The following POLG variants were observed in gnomAD, a reference collection of about 807,000 sequenced individuals.
POLG encodes the protein DNA polymerase subunit gamma-1.
A neutral mutation model predicts 155.4 loss-of-function variants in POLG; 110 were observed. That is an observed-to-expected ratio of 0.71 (90% CI 0.61 to 0.83). The LOEUF (loss-of-function observed/expected upper bound fraction) is 0.83, where lower values mean the gene tolerates loss of function less well. Ranked by LOEUF, POLG falls within the 40% of genes least tolerant of loss-of-function variation. The pLI is 0.00. For synonymous variants in POLG, 701 were observed against 631.5 expected (o/e 1.11, Z -1.65); for missense variants, 1,685 against 1,627.5 (o/e 1.04, Z -0.61).
At chr15:89,326,795 G>A (rs755432801) in intron 8 of POLG, 57 bp from the exon 9 acceptor site, 1 of 1,612,010 alleles carries the variant, frequency 6.2e-7, no homozygotes, top group Non-Finnish European at 8.5e-7. Context: ...AATAAGATCT[G>A]CTCCCACCCG....
At chr15:89,331,405 T>G (rs2055592509) in intron 2 of POLG, among the ~76,000 whole-genome samples, 1 of 152,140 alleles carries the variant, frequency 6.6e-6, no homozygotes, top group African/African-American at 2.4e-5. Flanking sequence ...GGAACTTTGG[T>G]TACAGTAAAA....
At position 89,323,629 on chromosome 15, in the gene POLG, G is replaced by A. The variant is rs984111013; in HGVS notation, c.2158-118C>T. On this transcript the variant is annotated intron_variant, in intron 12 of 22. Coordinates refer to ENST00000268124, the MANE Select transcript of POLG (RefSeq NM_002693.3). Reference sequence around the variant, plus strand: ...GTCGTCATCAGCTGGGAAATGACAAGATGGCCATGAGGTCTCACCCAGGCT... The same window carrying A: ...GTCGTCATCAGCTGGGAAATGACAAAATGGCCATGAGGTCTCACCCAGGCT... 6 of 818,730 alleles carry A rather than the reference G, an allele frequency of 7.3e-6. No homozygotes were observed. In the Admixed American group the frequency reaches 7.7e-5, roughly 10 times the overall value. 50.7% of individuals were successfully genotyped at this position (818,730 alleles called of 1,614,324 possible).
In POLG at chr15:89,333,265, G is replaced by A; in HGVS notation, c.490C>T (p.Pro164Ser). The change falls in exon 2 of 23, where the codon CCG (proline) becomes TCG (serine). Residue 164 changes from proline to serine, a missense_variant. Pro to Ser is a moderately conservative substitution (Grantham distance 74, BLOSUM62 -1). Transcript: ENST00000268124. ...ANLLLQAQLPPKPPAWAWAEG... is the reference protein window; with the variant it reads ...ANLLLQAQLPSKPPAWAWAEG... The stretch of plus-strand genomic sequence containing the variant: ...GCCCAGGCCCAAGCCGGGGGCTTCG[G>A]GGGCAGCTGGGCCTGCAACAGCAAG... 1 of 1,561,482 alleles carries A rather than the reference G, an allele frequency of 6.4e-7. No individual in the cohort carries two copies. The highest frequency in any genetic ancestry group is 8.7e-7 in the Non-Finnish European group (1 of 1,152,124).
intron 1 of POLG, chr15:89,334,406 C>G (rs1402401691): frequency 1.3e-5 from 2 of 152,602 alleles, no homozygotes; most frequent in African/African-American, 4.8e-5. Context: ...GTGCCAGCGC[C>G]CGGATTCGAA....
Position 89,325,189 on chromosome 15 carries a change from AGTG to A in POLG, c.1949+258_1949+260del, listed in dbSNP as rs1567189758. ...GAGTGAGAGAGTGAGAGAGTGAGTG[AGTG>A]AGAGAGTGAGTGAGAGAGTGAGTGA... On this transcript the variant is annotated intron_variant, in intron 10 of 22. Coordinates refer to ENST00000268124, the MANE Select transcript of POLG (RefSeq NM_002693.3). Among the ~76,000 whole-genome samples the A allele has an allele frequency of 2.0e-4, 19 of 96,550 alleles. 5 individuals carry two copies. The highest frequency in any genetic ancestry group is 8.5e-4 in the African/African-American group (19 of 22,324). The allele number at this position is 96,550 out of a possible 152,430, so 63.3% of individuals were successfully genotyped here. A position where few individuals can be genotyped will look rare whatever the true frequency, so the allele number is the denominator to read the frequency against.
In POLG at chr15:89,325,273, A is replaced by AGT. The variant is rs1485600560; in HGVS notation, c.1949+176_1949+177insAC. ...GAGAGAGAGAGTGAGTGAGTGAGTG[A>AGT]GAGAGAGAGAAAGAGAGAGAGAGAG... On this transcript the variant is annotated intron_variant, in intron 10 of 22. Transcript: ENST00000268124. 6.5e-5 allele frequency among the ~76,000 whole-genome samples: 7 copies of AGT among 107,508 alleles called. 2 individuals are homozygous for AGT. Among genetic ancestry groups the AGT allele is most frequent in the African/African-American group, 3.2e-4 (7 of 21,544 alleles). The allele number at this position is 107,508 out of a possible 152,430, so 70.5% of individuals were successfully genotyped here. A position where few individuals can be genotyped will look rare whatever the true frequency, so the allele number is the denominator to read the frequency against.
chr15:89,321,194 C>T lies in POLG; in HGVS notation c.2665G>A (p.Ala889Thr), dbSNP rs763393580. The change falls in exon 17 of 23, where the codon GCT becomes ACT. Residue 889 changes from alanine to threonine, a missense_variant. Ala to Thr is a moderately conservative substitution (Grantham distance 58). Around this residue, in one of 3 missense-constraint regions of POLG, gnomAD observed 1,210 missense variants for 1,167.1 expected, o/e 1.04. Transcript: ENST00000268124. ...CACAGCTCTTGGGAGTCCACATCAG[C>T]ACCCACAAGGGTGTAGCCAGGTGGG... ...QAPPGYTLVG[A>T]DVDSQELWIA... The T allele has an allele frequency of 2.1e-5, 34 of 1,614,132 alleles. No homozygotes were observed. Among genetic ancestry groups the T allele is most frequent in the Admixed American group, 3.3e-5 (2 of 60,016 alleles).
At chr15:89,325,081 TGAGAGA>T (rs376001140) in intron 10 of POLG, among the ~76,000 whole-genome samples, 1 of 43,236 alleles carries the variant, frequency 2.3e-5, no homozygotes, top group African/African-American at 9.2e-5. Context: ...AGTGAGTGAG[TGAGAGA>T]GTGAGTGAGT....
In POLG at chr15:89,318,978, C is replaced by G. The variant is rs1432651664; in HGVS notation, c.3226G>C (p.Gly1076Arg). 6.2e-7 allele frequency: 1 copy of G among 1,614,036 alleles called. No homozygotes were observed. The highest frequency in any genetic ancestry group is 8.5e-7 in the Non-Finnish European group (1 of 1,180,032). Reference sequence around the variant, plus strand: ...TCCAGGGCTCGGCTGATGCAGCAGCCCAGCACCGGGGTACGTGGTATGTCA... The same window carrying G: ...TCCAGGGCTCGGCTGATGCAGCAGCGCAGCACCGGGGTACGTGGTATGTCA... ...TSDIPRTPVL[G>R]CCISRALEPS... Residue 1076 changes from glycine (G) to arginine (R), a missense_variant, in exon 20 of 23, where the codon GGC (glycine) becomes CGC (arginine). Gly to Arg is a moderately radical substitution (Grantham distance 125). Transcript: ENST00000268124.
intron 10 of POLG, among the ~76,000 whole-genome samples, chr15:89,325,057 A>T (rs12899527): frequency 0.034 from 2,953 of 87,452 alleles, 542 homozygotes; most frequent in African/African-American, 0.19. Context: ...AGTGAGTGAG[A>T]GAGTGAGTGA....
At position 89,328,508 on chromosome 15, in the gene POLG, C is replaced by A. The variant is rs529639381; in HGVS notation, c.1198G>T (p.Val400Leu). Residue 400 changes from valine (V) to leucine (L), a missense_variant, in exon 6 of 23, where the codon GTG becomes TTG. By Grantham distance (32) the Val-to-Leu change is conservative. This residue lies in a region of POLG where 1,210 missense variants were observed against 1,167.1 expected (regional missense o/e 1.04). Coordinates refer to ENST00000268124, the MANE Select transcript of POLG (RefSeq NM_002693.3). ...QDLMQYCAQDVWATHEVFQQQ... is the reference protein window; with the variant it reads ...QDLMQYCAQDLWATHEVFQQQ... ...TGGAAAACCTCATGGGTGGCCCACA[C>A]GTCCTGGGCACAGTACTGCATCAGG... 1.2e-6 allele frequency: 2 copies of A among 1,613,892 alleles called. No individual in the cohort carries two copies. The highest frequency in any genetic ancestry group is 1.1e-5 in the South Asian group (1 of 91,088).
At position 89,333,612 on chromosome 15, in the gene POLG, T is replaced by TGCC. The variant is rs1567194427; in HGVS notation, c.142_143insGGC (p.Gln47_Gln48insArg). On this transcript the variant is annotated inframe_insertion, in exon 2 of 23. Transcript: ENST00000268124. ...AGGCTGCTGTTGCTGCTGCTGCTGC[T>TGCC]GCTGCTGCTGCTGCTGCCGCCGCCG... The TGCC allele has an allele frequency of 1.2e-6, 2 of 1,600,120 alleles. No homozygotes were observed. The highest frequency in any genetic ancestry group is 1.7e-6 in the Non-Finnish European group (2 of 1,175,496).
Position 89,316,759 on chromosome 15 carries a change from C to G in POLG, c.3712G>C (p.Gly1238Arg), listed in dbSNP as rs1024234712. 8.1e-6 allele frequency: 13 copies of G among 1,612,552 alleles called. No individual in the cohort carries two copies. Among genetic ancestry groups the G allele is most frequent in the African/African-American group, 2.7e-5 (2 of 74,920 alleles). Residue 1238 changes from glycine to arginine, a missense_variant, in exon 23 of 23, where the codon GGA (glycine) becomes CGA (arginine). Physicochemically the swap from Gly to Arg is moderately radical, Grantham distance 125. This residue lies in a region of POLG where 470 missense variants were observed against 439.9 expected (regional missense o/e 1.07). Coordinates refer to ENST00000268124, the MANE Select transcript of POLG (RefSeq NM_002693.3). ...KGSLEKRSQPGP is the reference protein window; with the variant it reads ...KGSLEKRSQPRP ...AGAGCCTCCAGGCAGTGCTATGGTC[C>G]AGGCTGGCTTCGTTTTTCCAAGGAG... is the stretch of plus-strand genomic sequence containing the variant.
chr15:89,318,865 C>T (rs1488233781), intron 20 of POLG, 66 bp downstream of exon 20: 1 of 1,588,118 alleles, frequency 6.3e-7, no homozygotes, highest in Non-Finnish European at 8.6e-7. Context: ...TTGGTAAGGT[C>T]CACAGGGAGC....
At chr15:89,320,660 G>C in intron 18 of POLG, 106 bp downstream of exon 18, 1 of 1,285,914 alleles carries the variant, frequency 7.8e-7, no homozygotes, top group Non-Finnish European at 1.1e-6. Flanking sequence ...GGGGCTAGGT[G>C]AGAGTTCAAG....
At chr15:89,328,308 A>G in intron 6 of POLG, 148 bp downstream of exon 6, 1 of 700,062 alleles carries the variant, frequency 1.4e-6, no homozygotes, top group South Asian at 1.6e-5. Flanking sequence ...GCCCAGATGG[A>G]CACCACTGAA....
rs758438414 is a variant in POLG at position 89,325,531 on chromosome 15, A to C, written c.1868T>G (p.Leu623Trp). 6.2e-6 allele frequency: 10 copies of C among 1,612,720 alleles called. No homozygotes were observed. The African/African-American group carries it at 1.2e-4, about 19-fold the overall frequency. ...HYSERHGWGY[L>W]VPGRRDNLAK... ...CAGGTTGTCCCGCCGCCCAGGCACCAAGTAGCCCCAGCCATGACGCTCTGA... is the reference window on the plus strand; with the variant it reads ...CAGGTTGTCCCGCCGCCCAGGCACCCAGTAGCCCCAGCCATGACGCTCTGA... The change falls in exon 10 of 23, where the codon TTG becomes TGG. Residue 623 changes from leucine to tryptophan, a missense_variant. By Grantham distance (61) the Leu-to-Trp change is moderately conservative. Coordinates refer to ENST00000268124, the MANE Select transcript of POLG (RefSeq NM_002693.3).
At chr15:89,324,793 CAAAT>C (rs2055447717) in intron 10 of POLG, among the ~76,000 whole-genome samples, 1 of 152,216 alleles carries the variant, frequency 6.6e-6, no homozygotes, top group African/African-American at 2.4e-5. Context: ...CCTTGGGGAA[CAAAT>C]AAGGGAAGCA....
chr15:89,318,659 C>T lies in POLG; in HGVS notation c.3364G>A (p.Glu1122Lys), dbSNP rs1375705564. The T allele has an allele frequency of 6.2e-7, 1 of 1,614,238 alleles. No individual in the cohort carries two copies. Among genetic ancestry groups the T allele is most frequent in the Non-Finnish European group, 8.5e-7 (1 of 1,180,032 alleles). The change falls in exon 21 of 23, where the codon GAG (glutamate) becomes AAG (lysine). Residue 1122 changes from glutamate (E) to lysine (K), a missense_variant. Physicochemically the swap from Glu to Lys is moderately conservative, Grantham distance 56. This residue lies in a region of POLG where 470 missense variants were observed against 439.9 expected (regional missense o/e 1.07). Coordinates refer to ENST00000268124, the MANE Select transcript of POLG (RefSeq NM_002693.3). ...CAGAAGCGCCCATCTATGGCAAACTCTTCAAACAGCCACTTCATGGCCACA... is the reference window on the plus strand; with the variant it reads ...CAGAAGCGCCCATCTATGGCAAACTTTTCAAACAGCCACTTCATGGCCACA... Reference protein sequence around the residue: ...MLVAMKWLFEEFAIDGRFCIS... With the variant: ...MLVAMKWLFEKFAIDGRFCIS...
Sources: gnomAD v4.1 joint callset for allele counts (sites outside exome capture counted in the v4.1 genomes callset) on GRCh38, gnomAD v4.1.1 for gene constraint, gnomAD v4.1.1 regional missense constraint, MANE v1.5 for transcripts, NCBI Gene and HGNC (gene_info 2026-07-23, HGNC 2026-07-21) for gene names.